CSRNP3: variants seen among roughly 807,000 people sequenced by gnomAD.
The protein encoded by CSRNP3 is cysteine and serine rich nuclear protein 3.
CSRNP3 carries 12 observed loss-of-function variants against 48.0 expected under a neutral mutation model. That is an observed-to-expected ratio of 0.25 (90% CI 0.16 to 0.41). The LOEUF is 0.41. Among genes scored for constraint, CSRNP3 ranks in the 10% least tolerant of loss-of-function variants. CSRNP3 has a pLI of 1.00. For synonymous variants in CSRNP3, 263 were observed against 269.7 expected (o/e 0.98, Z 0.24); for missense variants, 580 against 724.4 (o/e 0.80, Z 2.29).
intron 2 of CSRNP3, among the ~76,000 whole-genome samples, chr2:165,498,586 C>G (rs139965906): frequency 6.6e-6 from 1 of 152,206 alleles, no homozygotes; most frequent in African/African-American, 2.4e-5. Flanking sequence ...TAATTCCCAA[C>G]AAACTTCATT....
chr2:165,639,653 T>C (rs1343245921), intron 4 of CSRNP3, among the ~76,000 whole-genome samples: 1 of 152,176 alleles, frequency 6.6e-6, no homozygotes, highest in East Asian at 1.9e-4. Flanking sequence ...GTCAGTGTTT[T>C]GACACCTGAG....
chr2:165,648,257 T>C (rs1380051870), intron 4 of CSRNP3, among the ~76,000 whole-genome samples: 1 of 152,144 alleles, frequency 6.6e-6, no homozygotes, highest in African/African-American at 2.4e-5. Context: ...ATCATATATC[T>C]AAATTAGAAC....
At chr2:165,619,544 G>A (rs545033979) in intron 4 of CSRNP3, among the ~76,000 whole-genome samples, 3 of 152,098 alleles carry the variant, frequency 2.0e-5, no homozygotes, top group Non-Finnish European at 2.9e-5. Context: ...AATCTCTAGA[G>A]AGAATATGTC....
chr2:165,503,523 A>C (rs1684385009), intron 2 of CSRNP3, among the ~76,000 whole-genome samples: 1 of 151,916 alleles, frequency 6.6e-6, no homozygotes, highest in Non-Finnish European at 1.5e-5. Context: ...TAACAGAAAA[A>C]CAGTACACTA....
intron 4 of CSRNP3, among the ~76,000 whole-genome samples, chr2:165,637,086 A>G (rs1181369293): frequency 6.6e-6 from 1 of 152,214 alleles, no homozygotes; most frequent in Non-Finnish European, 1.5e-5. Flanking sequence ...GGCAGAAGGT[A>G]TTGCTAGATC....
chr2:165,663,691 T>G (rs898754464), intron 5 of CSRNP3, among the ~76,000 whole-genome samples: 1 of 152,184 alleles, frequency 6.6e-6, no homozygotes, highest in Admixed American at 6.5e-5. Flanking sequence ...TTCTACTGAT[T>G]AAAATGTGGG....
At chr2:165,545,284 G>A (rs544524650) in intron 3 of CSRNP3, among the ~76,000 whole-genome samples, 2 of 152,232 alleles carry the variant, frequency 1.3e-5, no homozygotes, top group African/African-American at 4.8e-5. Flanking sequence ...AAGAAAAGGG[G>A]CAGTCACTAC....
At chr2:165,612,842 G>A (rs1686162118) in intron 4 of CSRNP3, among the ~76,000 whole-genome samples, 1 of 151,970 alleles carries the variant, frequency 6.6e-6, no homozygotes, top group Admixed American at 6.6e-5. Flanking sequence ...GGACAATTAG[G>A]TTGATTCTGT....
At position 165,679,127 on chromosome 2, in the gene CSRNP3, G is replaced by T; in HGVS notation, c.1132G>T (p.Glu378Ter). The T allele has an allele frequency of 6.2e-7, 1 of 1,613,878 alleles. No individual in the cohort carries two copies. Among genetic ancestry groups the T allele is most frequent in the Non-Finnish European group, 8.5e-7 (1 of 1,179,938 alleles). ...ESDEEEEEEE[E>*]EEEEEDDDDD... ...AGACGAGGAGGAGGAGGAAGAAGAA[G>T]AGGAAGAGGAGGAGGAGGATGACGA... The change falls in exon 7 of 7, where the codon GAG (glutamate) becomes TAG (stop). Residue 378 changes from glutamate (E) to a stop codon, truncating the protein, a stop_gained. Coordinates refer to ENST00000651982, the MANE Select transcript of CSRNP3 (RefSeq NM_001172173.2). LOFTEE classifies it high-confidence loss of function.
At chr2:165,552,382 A>G (rs1458270975) in intron 3 of CSRNP3, among the ~76,000 whole-genome samples, 1 of 152,194 alleles carries the variant, frequency 6.6e-6, no homozygotes, top group Non-Finnish European at 1.5e-5. Flanking sequence ...TTCCAGCACA[A>G]AGCTCATCCT....
chr2:165,666,017 GAA>G (rs1208690192), intron 5 of CSRNP3, among the ~76,000 whole-genome samples: 1 of 132,940 alleles, frequency 7.5e-6, no homozygotes, highest in Non-Finnish European at 1.6e-5. Flanking sequence ...GAGGAAGAAA[GAA>G]AGAGAGAGAG....
At chr2:165,668,902 A>G (rs1238153791) in intron 5 of CSRNP3, among the ~76,000 whole-genome samples, 1 of 152,230 alleles carries the variant, frequency 6.6e-6, no homozygotes, top group East Asian at 1.9e-4. Flanking sequence ...TTTGGAGTCA[A>G]ATAAACCTAA....
intron 3 of CSRNP3, among the ~76,000 whole-genome samples, chr2:165,592,223 T>A (rs1685729325): frequency 6.6e-6 from 1 of 152,246 alleles, no homozygotes. Flanking sequence ...AGTACTGCCT[T>A]GATGGATTTC....
chr2:165,520,784 T>A (rs1403755617), intron 3 of CSRNP3, among the ~76,000 whole-genome samples: 7 of 3,208 alleles, frequency 2.2e-3, no homozygotes, highest in East Asian at 0.02. Context: ...ATATATATAT[T>A]ATATATATAT....
In CSRNP3 at chr2:165,681,025, C is replaced by T. The variant is rs1687528329; in HGVS notation, c.*1272C>T. 1 of 152,188 alleles carries T rather than the reference C, an allele frequency of 6.6e-6. No individual in the cohort carries two copies. Among genetic ancestry groups the T allele is most frequent in the South Asian group, 2.1e-4 (1 of 4,830 alleles). The allele number at this position is 152,188 out of a possible 1,614,324, so 9.4% of individuals were successfully genotyped here. ...TTTTGATTTGTCTTGCCTGGGACAA[C>T]TAGCAGAACAGTCCAGAATGCATTG... On this transcript the variant is annotated 3_prime_UTR_variant, in exon 7 of 7. Transcript: ENST00000651982.
intron 3 of CSRNP3, chr2:165,572,500 G>T (rs1243442136): frequency 6.6e-6 from 1 of 152,164 alleles, no homozygotes; most frequent in Non-Finnish European, 1.5e-5. Context: ...TGTCTTCGGT[G>T]ATGCTGACAC....
Position 165,679,763 on chromosome 2 carries a change from T to C in CSRNP3, c.*10T>C. On this transcript the variant is annotated 3_prime_UTR_variant, in exon 7 of 7. Coordinates refer to ENST00000651982, the MANE Select transcript of CSRNP3 (RefSeq NM_001172173.2). ...GACAGTCCCTGTTTAGTAGCTTAAA[T>C]TATTCTAGGACCAACTCTTCTCTTA... is the stretch of plus-strand genomic sequence containing the variant. 1 of 1,606,856 alleles carries C rather than the reference T, an allele frequency of 6.2e-7. No homozygotes were observed. The highest frequency in any genetic ancestry group is 8.5e-7 in the Non-Finnish European group (1 of 1,175,546).
chr2:165,642,623 T>G lies in CSRNP3; in HGVS notation c.149-15138T>G, dbSNP rs187800582. 4.3e-3 allele frequency among the ~76,000 whole-genome samples: 651 copies of G among 151,660 alleles called. 2 individuals carry two copies. Among genetic ancestry groups the G allele is most frequent in the African/African-American group, 0.015 (610 of 41,298 alleles). ...TGTTGCCCAGGCTGGAGTGCAATGG[T>G]GTGATCTCAGCTCACTGCGACCTCC... On this transcript the variant is annotated intron_variant, in intron 4 of 6. Coordinates refer to ENST00000651982, the MANE Select transcript of CSRNP3 (RefSeq NM_001172173.2).
intron 4 of CSRNP3, among the ~76,000 whole-genome samples, chr2:165,633,810 A>G (rs1686578270): frequency 6.6e-6 from 1 of 152,172 alleles, no homozygotes; most frequent in Non-Finnish European, 1.5e-5. Flanking sequence ...CTCTGCAATC[A>G]TTCACTATTT....
Sources: gnomAD v4.1 joint callset for allele counts (sites outside exome capture counted in the v4.1 genomes callset) on GRCh38, gnomAD v4.1.1 for gene constraint, MANE v1.5 for transcripts, NCBI Gene and HGNC (gene_info 2026-07-23, HGNC 2026-07-21) for gene names.